Variants in FLG observed in about 807,000 individuals in gnomAD.
The protein encoded by FLG is epidermal filaggrin.
FLG carries 6 observed loss-of-function variants against 3.8 expected under a neutral mutation model. The ratio of observed to expected loss-of-function variants is 1.60; its 90% CI spans 0.87 to 3.15. FLG has a LOEUF of 3.15. FLG is among the 30% of genes most tolerant of loss of function. The pLI, the probability that FLG is intolerant of heterozygous loss-of-function variation, is 0.00. For synonymous variants in FLG, 2,551 were observed against 1,931.6 expected, an observed-to-expected ratio of 1.32 and a Z score of -8.41; for missense variants, 7,595 against 5,050.9, an observed-to-expected ratio of 1.50 and a Z score of -15.27.
In FLG at chr1:152,305,038, G is replaced by T. The variant is rs561860398; in HGVS notation, c.9848C>A (p.Ser3283Tyr). The T allele has an allele frequency of 6.2e-7, 1 of 1,614,016 alleles. No homozygotes were observed. Among genetic ancestry groups the T allele is most frequent in the South Asian group, 1.1e-5 (1 of 91,034 alleles). The change falls in exon 3 of 3, where the codon TCT becomes TAT. Residue 3283 changes from serine (S) to tyrosine (Y), a missense_variant. Physicochemically the swap from Ser to Tyr is moderately radical, Grantham distance 144. Coordinates refer to ENST00000368799, the MANE Select transcript of FLG (RefSeq NM_002016.2). ...ATGGGATGATGCAGCCTGTCCACCA[G>T]AGGAAGTCTCTGCGTGACGAGTGCC... ...QSGTRHAETS[S>Y]GGQAASSHEQ... is the part of the protein sequence containing the mutation.
At position 152,311,863 on chromosome 1, in the gene FLG, G is replaced by C. The variant is rs759486727; in HGVS notation, c.3023C>G (p.Pro1008Arg). ...TCCACCAGAGGAAGTCTCTGCGTGA[G>C]GAGTTCCTGATTGTCTGGAGCTGTC... Reference protein sequence around the residue: ...SADSSRQSGTPHAETSSGGQA... With the variant: ...SADSSRQSGTRHAETSSGGQA... The change falls in exon 3 of 3, where the codon CCT becomes CGT. Residue 1008 changes from proline (P) to arginine (R), a missense_variant. Pro to Arg is a moderately radical substitution (Grantham distance 103). Coordinates refer to ENST00000368799, the MANE Select transcript of FLG (RefSeq NM_002016.2). 1.2e-5 allele frequency: 20 copies of C among 1,613,054 alleles called. No homozygotes were observed. Among genetic ancestry groups the C allele is most frequent in the Admixed American group, 1.2e-4 (7 of 59,960 alleles).
In FLG at chr1:152,309,708, T is replaced by G; in HGVS notation, c.5178A>C (p.Ser1726=). ...ACACTGACTGTGTGTCTGACTCTTC[T>G]GAGTGTCCCTCGCTGTCACTGGCCT... ...GSQASDSEGH[S]EESDTQSVSA... Residue 1726 remains serine, a synonymous_variant, in exon 3 of 3, where the codon TCA becomes TCC. Transcript: ENST00000368799. 6 of 1,614,086 alleles carry G rather than the reference T, an allele frequency of 3.7e-6. No homozygotes were observed. The highest frequency in any genetic ancestry group is 5.1e-6 in the Non-Finnish European group (6 of 1,180,006).
In FLG at chr1:152,314,438, T is replaced by C. The variant is rs756351291; in HGVS notation, c.448A>G (p.Lys150Glu). Reference protein sequence around the residue: ...RSKSPRETGGKRHESSSEKKE... With the variant: ...RSKSPRETGGERHESSSEKKE... ...TTTTCAGAACTAGATTCATGCCTTT[T>C]CCCCCCTGTTTCTCTTGGGCTCTTG... Residue 150 changes from lysine to glutamate, a missense_variant, in exon 3 of 3, where the codon AAA (lysine) becomes GAA (glutamate). By Grantham distance (56) the Lys-to-Glu change is moderately conservative. Transcript: ENST00000368799. The C allele has an allele frequency of 3.8e-5, 61 of 1,613,750 alleles. No individual in the cohort carries two copies. Among genetic ancestry groups the C allele is most frequent in the Admixed American group, 6.7e-5 (4 of 60,024 alleles).
Position 152,308,479 on chromosome 1 carries a change from T to A in FLG, c.6407A>T (p.Asp2136Val). Reference sequence around the variant, plus strand: ...TGGCCCCGGGTGTCCACGAATGGTGTCCTGACCCTCTTGGGATGCTGAGTG... The same window carrying A: ...TGGCCCCGGGTGTCCACGAATGGTGACCTGACCCTCTTGGGATGCTGAGTG... The part of the protein sequence containing the change: ...SRHSASQEGQ[D>V]TIRGHPGPSR... Residue 2136 changes from aspartate (D) to valine (V), a missense_variant, in exon 3 of 3, where the codon GAC becomes GTC. Asp to Val is a radical substitution (Grantham distance 152). Transcript: ENST00000368799. 1.7e-5 allele frequency: 28 copies of A among 1,613,712 alleles called. No homozygotes were observed. Among genetic ancestry groups the A allele is most frequent in the Non-Finnish European group, 2.4e-5 (28 of 1,179,840 alleles).
In FLG at chr1:152,303,010, T is replaced by C. The variant is rs1557869506; in HGVS notation, c.11876A>G (p.Gln3959Arg). ...SPHSSSSYHY[Q>R]SEGTERQKGQ... ...TTTTTGCCTTTCAGTGCCCTCAGATTGATAATGATAAGAACTAGAACTGTG... is the reference window on the plus strand; with the variant it reads ...TTTTTGCCTTTCAGTGCCCTCAGATCGATAATGATAAGAACTAGAACTGTG... Residue 3959 changes from glutamine (Q) to arginine (R), a missense_variant, in exon 3 of 3, where the codon CAA becomes CGA. By Grantham distance (43) the Gln-to-Arg change is conservative. Coordinates refer to ENST00000368799, the MANE Select transcript of FLG (RefSeq NM_002016.2). 6.2e-7 allele frequency: 1 copy of C among 1,614,048 alleles called. No individual in the cohort carries two copies. Among genetic ancestry groups the C allele is most frequent in the Admixed American group, 1.7e-5 (1 of 59,998 alleles).
chr1:152,312,740 A>G lies in FLG; in HGVS notation c.2146T>C (p.Ser716Pro), dbSNP rs572233736. The G allele has an allele frequency of 1.2e-6, 2 of 1,613,794 alleles. No homozygotes were observed. Among genetic ancestry groups the G allele is most frequent in the South Asian group, 2.2e-5 (2 of 91,052 alleles). The change falls in exon 3 of 3, where the codon TCA becomes CCA. Residue 716 changes from serine to proline, a missense_variant. Coordinates refer to ENST00000368799, the MANE Select transcript of FLG (RefSeq NM_002016.2). ...CCTGAGTGTCTGGAGCTGTCTGCTG[A>G]CTGGAGCTGGTGGCGGGATCCATGT... The part of the protein sequence containing the change: ...ERHGSRHQLQ[S>P]ADSSRHSGTG...
In FLG at chr1:152,308,502, G is replaced by T. The variant is rs754760489; in HGVS notation, c.6384C>A (p.His2128Gln). ...TGTCCTGACCCTCTTGGGATGCTGA[G>T]TGCCTGGAGCTGTCTTGTGCCTGAT... is the stretch of plus-strand genomic sequence containing the variant. ...HYDQAQDSSRHSASQEGQDTI... is the reference protein window; with the variant it reads ...HYDQAQDSSRQSASQEGQDTI... Residue 2128 changes from histidine (H) to glutamine (Q), a missense_variant, in exon 3 of 3, where the codon CAC (histidine) becomes CAA (glutamine). Coordinates refer to ENST00000368799, the MANE Select transcript of FLG (RefSeq NM_002016.2). 5.0e-6 allele frequency: 8 copies of T among 1,613,568 alleles called. No homozygotes were observed. The highest frequency in any genetic ancestry group is 6.8e-6 in the Non-Finnish European group (8 of 1,179,778).
Position 152,304,883 on chromosome 1 carries a change from A to G in FLG, c.10003T>C (p.Ser3335Pro), listed in dbSNP as rs1441655329. The stretch of plus-strand genomic sequence containing the variant: ...CTATCACTGGCCTGACTACCACTGG[A>G]CCCCCAGTGTCTACTGTCTCTGACT... ...SAVRDSRHWGSSGSQASDSEG... is the reference protein window; with the variant it reads ...SAVRDSRHWGPSGSQASDSEG... Residue 3335 changes from serine (S) to proline (P), a missense_variant, in exon 3 of 3, where the codon TCC (serine) becomes CCC (proline). Coordinates refer to ENST00000368799, the MANE Select transcript of FLG (RefSeq NM_002016.2). 1 of 1,611,864 alleles carries G rather than the reference A, an allele frequency of 6.2e-7. No homozygotes were observed. The highest frequency in any genetic ancestry group is 8.5e-7 in the Non-Finnish European group (1 of 1,179,592).
intron 1 of FLG, among the ~76,000 whole-genome samples, chr1:152,324,024 CAGAGTTG>C (rs1653064110): frequency 6.6e-6 from 1 of 151,658 alleles, no homozygotes; most frequent in Non-Finnish European, 1.5e-5. Context: ...GGTTTGTAGG[CAGAGTTG>C]ACTGGACGTG....
In FLG at chr1:152,310,137, C is replaced by A; in HGVS notation, c.4749G>T (p.Gly1583=). 6.2e-7 allele frequency: 1 copy of A among 1,613,920 alleles called. No homozygotes were observed. ...HSQVGQGESA[G]SKTSRRQGSS... is the part of the protein sequence containing the mutation. ...ATCCCTGGCGCCTGCTTGTCTTGGA[C>A]CCCGCTGATTCTCCCTGGCCCACCT... The change falls in exon 3 of 3, where the codon GGG becomes GGT. Residue 1583 remains glycine, a synonymous_variant. Coordinates refer to ENST00000368799, the MANE Select transcript of FLG (RefSeq NM_002016.2).
intron 1 of FLG, among the ~76,000 whole-genome samples, chr1:152,324,858 TC>T (rs1418630398): frequency 4.0e-5 from 6 of 151,870 alleles, no homozygotes; most frequent in Non-Finnish European, 1.5e-5. Context: ...ACTAAATGTT[TC>T]CCCCTATTAA....
In FLG at chr1:152,313,053, G is replaced by C. The variant is rs777692802; in HGVS notation, c.1833C>G (p.Pro611=). The C allele has an allele frequency of 1.9e-6, 3 of 1,613,924 alleles. No homozygotes were observed. The highest frequency in any genetic ancestry group is 1.1e-5 in the South Asian group (1 of 91,060). ...SQVGQGQSSG[P]RTSRNQGSSV... is the part of the protein sequence containing the mutation. ...TGGATCCCTGGTTCCTACTTGTCCT[G>C]GGCCCCGATGATTGTCCCTGGCCCA... Residue 611 remains proline, a synonymous_variant, in exon 3 of 3, where the codon CCC becomes CCG. Coordinates refer to ENST00000368799, the MANE Select transcript of FLG (RefSeq NM_002016.2).
intron 1 of FLG, among the ~76,000 whole-genome samples, chr1:152,317,085 T>C (rs1652811873): frequency 6.6e-6 from 1 of 152,146 alleles, no homozygotes; most frequent in Non-Finnish European, 1.5e-5. Flanking sequence ...TGTCCTTTAC[T>C]TTGGCACTGA....
rs147067035 is a variant in FLG at position 152,303,314 on chromosome 1, G to C, written c.11572C>G (p.Arg3858Gly). The C allele has an allele frequency of 6.2e-7, 1 of 1,613,964 alleles. No individual in the cohort carries two copies. The highest frequency in any genetic ancestry group is 2.2e-5 in the East Asian group (1 of 44,864). The change falls in exon 3 of 3, where the codon CGC (arginine) becomes GGC (glycine). Residue 3858 changes from arginine to glycine, a missense_variant. Coordinates refer to ENST00000368799, the MANE Select transcript of FLG (RefSeq NM_002016.2). Reference protein sequence around the residue: ...GESAGSRRSRRQGSSVSQDSD... With the variant: ...GESAGSRRSRGQGSSVSQDSD... ...TCCTGGCTAACACTGGATCCCTGGCGCCTGCTTCTCCTGGACCCCGCTGAT... is the reference window on the plus strand; with the variant it reads ...TCCTGGCTAACACTGGATCCCTGGCCCCTGCTTCTCCTGGACCCCGCTGAT...
At position 152,303,180 on chromosome 1, in the gene FLG, G is replaced by C; in HGVS notation, c.11706C>G (p.Pro3902=). The C allele has an allele frequency of 6.2e-7, 1 of 1,614,078 alleles. No individual in the cohort carries two copies. The highest frequency in any genetic ancestry group is 8.5e-7 in the Non-Finnish European group (1 of 1,180,014). ...TGGCTGTATCGCGGTGAGAGGATCC[G>C]GGGTGTCTGGAGCCATCTCTTGACT... ...REQSRDGSRH[P]GSSHRDTASH... is the part of the protein sequence containing the mutation. Residue 3902 remains proline, a synonymous_variant, in exon 3 of 3, where the codon CCC becomes CCG. Coordinates refer to ENST00000368799, the MANE Select transcript of FLG (RefSeq NM_002016.2).
At chr1:152,321,065 C>A in intron 1 of FLG, among the ~76,000 whole-genome samples, 1 of 150,372 alleles carries the variant, frequency 6.7e-6, no homozygotes, top group African/African-American at 2.4e-5. Context: ...TATATATATA[C>A]ACACACACAT....
rs748669946 is a variant in FLG, at chr1:152,313,535, G to C, written c.1351C>G (p.Gln451Glu). The change falls in exon 3 of 3, where the codon CAA becomes GAA. Residue 451 changes from glutamine (Q) to glutamate (E), a missense_variant. Gln to Glu is a conservative substitution (Grantham distance 29). Coordinates refer to ENST00000368799, the MANE Select transcript of FLG (RefSeq NM_002016.2). ...GKAGLRQQSHQESTRGRSGER... is the reference protein window; with the variant it reads ...GKAGLRQQSHEESTRGRSGER... Reference sequence around the variant, plus strand: ...CCTGACCGGCCACGTGTGGACTCTTGGTGGCTCTGCTGTCTCAGCCCAGCC... The same window carrying C: ...CCTGACCGGCCACGTGTGGACTCTTCGTGGCTCTGCTGTCTCAGCCCAGCC... 3.7e-6 allele frequency: 6 copies of C among 1,613,990 alleles called. No individual in the cohort carries two copies. In the Admixed American group the frequency reaches 6.7e-5, roughly 18 times the overall value.
Position 152,309,013 on chromosome 1 carries a change from C to T in FLG, c.5873G>A (p.Gly1958Glu), listed in dbSNP as rs749570368. The change falls in exon 3 of 3, where the codon GGG becomes GAG. Residue 1958 changes from glycine (G) to glutamate (E), a missense_variant. Physicochemically the swap from Gly to Glu is moderately conservative, Grantham distance 98. Coordinates refer to ENST00000368799, the MANE Select transcript of FLG (RefSeq NM_002016.2). ...ACCGGCTCTGTCTTCGTGATGGGAC[C>T]CAGGGTGTCTGGAGCCATCTCTTGA... The part of the protein sequence containing the change: ...EQSRDGSRHP[G>E]SHHEDRAGHG... 1.9e-6 allele frequency: 3 copies of T among 1,614,120 alleles called. No homozygotes were observed. The highest frequency in any genetic ancestry group is 1.7e-5 in the Admixed American group (1 of 60,026).
At chr1:152,314,831 C>A (rs3126082) in intron 2 of FLG, 84 bp from the exon 3 acceptor site, 12 of 1,561,156 alleles carry the variant, frequency 7.7e-6, no homozygotes, top group African/African-American at 2.7e-5. Context: ...ATTTAAGGAA[C>A]CTGATCTTTG....
Sources: gnomAD v4.1 joint callset for allele counts (sites outside exome capture counted in the v4.1 genomes callset) on GRCh38, gnomAD v4.1.1 for gene constraint, MANE v1.5 for transcripts, NCBI Gene and HGNC (gene_info 2026-07-23, HGNC 2026-07-21) for gene names.